NCAM1: variants seen among roughly 807,000 people sequenced by gnomAD.
NCAM1 encodes the protein neural cell adhesion molecule 1, also known as antigen recognized by monoclonal antibody 5.1H11.
Under a neutral mutation model 109.8 loss-of-function variants are expected in NCAM1, and 14 were observed. The ratio of observed to expected loss-of-function variants is 0.13; its 90% CI spans 0.08 to 0.20. The LOEUF (loss-of-function observed/expected upper bound fraction) is 0.20. NCAM1 is among the 10% of genes least tolerant of loss of function. NCAM1 has a pLI of 1.00. For synonymous variants in NCAM1, 418 were observed against 442.9 expected, an observed-to-expected ratio of 0.94 and a Z score of 0.70; for missense variants, 774 against 1,109.9, an observed-to-expected ratio of 0.70 and a Z score of 4.30.
chr11:113,145,424 T>C (rs1015100246), intron 1 of NCAM1, among the ~76,000 whole-genome samples: 2 of 152,214 alleles, frequency 1.3e-5, no homozygotes, highest in Middle Eastern at 3.2e-3. Flanking sequence ...TATTTGTTTC[T>C]GGAACAATTG....
chr11:113,203,593 G>A (rs1419714691), intron 2 of NCAM1, among the ~76,000 whole-genome samples: 1 of 152,198 alleles, frequency 6.6e-6, no homozygotes, highest in Non-Finnish European at 1.5e-5. Flanking sequence ...AGTGCCGGGG[G>A]CAGCTCAGCC....
At chr11:113,215,614 G>T (rs1944503089) in intron 8 of NCAM1, among the ~76,000 whole-genome samples, 1 of 152,172 alleles carries the variant, frequency 6.6e-6, no homozygotes, top group African/African-American at 2.4e-5. Context: ...AAACAAAACT[G>T]CATCAAATGG....
intron 1 of NCAM1, among the ~76,000 whole-genome samples, chr11:113,112,168 C>T (rs2135961154): frequency 6.6e-6 from 1 of 152,284 alleles, no homozygotes; most frequent in Middle Eastern, 3.4e-3. Flanking sequence ...AAGGCAGGAC[C>T]AACCTGTGTA....
At position 113,277,901 on chromosome 11, in the gene NCAM1, A is replaced by AG. The variant is rs1232017758; in HGVS notation, c.*2517dup. ...AGCAATGCTTTCTCTAAAATCAAAG[A>AG]GGGAGTCATTTTATTCCAAGATGTT... On this transcript the variant is annotated 3_prime_UTR_variant, in exon 20 of 20. Coordinates refer to ENST00000316851, the MANE Select transcript of NCAM1 (RefSeq NM_181351.5). 1 of 148,512 alleles carries AG rather than the reference A, an allele frequency of 6.7e-6. No individual in the cohort carries two copies. The highest frequency in any genetic ancestry group is 2.5e-5 in the African/African-American group (1 of 40,644). 9.2% of individuals were successfully genotyped at this position (148,512 alleles called of 1,614,324 possible). A position where few individuals can be genotyped will look rare whatever the true frequency, so the allele number is the denominator to read the frequency against.
At chr11:112,965,917 A>G (rs1368141956) in intron 1 of NCAM1, among the ~76,000 whole-genome samples, 1 of 152,126 alleles carries the variant, frequency 6.6e-6, no homozygotes, top group African/African-American at 2.4e-5. Context: ...CAGGCCAGGG[A>G]GAGAAGGGAT....
At chr11:113,072,598 T>G (rs1437807784) in intron 1 of NCAM1, among the ~76,000 whole-genome samples, 1 of 152,212 alleles carries the variant, frequency 6.6e-6, no homozygotes, top group Non-Finnish European at 1.5e-5. Context: ...GGGTTAACGT[T>G]TTGGGACCAA....
rs895222586 is a variant in NCAM1 at position 113,000,957 on chromosome 11, T to A, written c.52+39293T>A. Among the ~76,000 whole-genome samples, 3 of 151,808 alleles carry A rather than the reference T, an allele frequency of 2.0e-5. No individual in the cohort carries two copies. In the East Asian group the frequency reaches 5.8e-4, roughly 29 times the overall value. ...TCTCTACAGGATATAGGCACTTTGG[T>A]TATAATTATATGAAAGAAGGAATGT... On this transcript the variant is annotated intron_variant, in intron 1 of 19. Coordinates refer to ENST00000316851, the MANE Select transcript of NCAM1 (RefSeq NM_181351.5).
At chr11:113,181,538 G>A (rs1943331557) in intron 1 of NCAM1, among the ~76,000 whole-genome samples, 3 of 152,200 alleles carry the variant, frequency 2.0e-5, no homozygotes, top group South Asian at 4.1e-4. Context: ...CTGGGGGACG[G>A]AGAGCATCAG....
intron 14 of NCAM1, among the ~76,000 whole-genome samples, chr11:113,244,681 GT>G (rs1945447458): frequency 6.8e-6 from 1 of 147,764 alleles, no homozygotes; most frequent in Admixed American, 6.8e-5. Context: ...GTGTGTGTGT[GT>G]GTGTGGACCC....
intron 1 of NCAM1, among the ~76,000 whole-genome samples, chr11:113,196,424 C>T (rs886343386): frequency 6.6e-6 from 1 of 152,106 alleles, no homozygotes; most frequent in African/African-American, 2.4e-5. Context: ...CTAGATTATT[C>T]GGGAAAGTTG....
chr11:113,012,079 C>A (rs986070618), intron 1 of NCAM1, among the ~76,000 whole-genome samples: 9 of 151,002 alleles, frequency 6.0e-5, no homozygotes, highest in Non-Finnish European at 8.8e-5. Flanking sequence ...AGTGCAGTGG[C>A]GCGATCTTGG....
chr11:112,991,285 C>T (rs1951450528), intron 1 of NCAM1, among the ~76,000 whole-genome samples: 1 of 152,054 alleles, frequency 6.6e-6, no homozygotes, highest in Admixed American at 6.5e-5. Context: ...GTCTGCTACC[C>T]CAGGGCACAT....
At chr11:113,002,728 A>G (rs781971372) in intron 1 of NCAM1, among the ~76,000 whole-genome samples, 3 of 152,178 alleles carry the variant, frequency 2.0e-5, no homozygotes, top group Non-Finnish European at 2.9e-5. Context: ...CCCTCCAGCT[A>G]AGTCTCCTGT....
intron 9 of NCAM1, 108 bp downstream of exon 9, chr11:113,221,433 T>A: frequency 8.4e-7 from 1 of 1,191,726 alleles, no homozygotes; most frequent in Non-Finnish European, 1.2e-6. Flanking sequence ...GTAATTTAGC[T>A]AAAGAATAGG....
chr11:113,151,628 T>C (rs1399851687), intron 1 of NCAM1, among the ~76,000 whole-genome samples: 1 of 152,236 alleles, frequency 6.6e-6, no homozygotes, highest in Non-Finnish European at 1.5e-5. Flanking sequence ...GTTGAAATGA[T>C]AGGAAAAAAG....
chr11:113,256,791 A>G (rs565665218), intron 16 of NCAM1, among the ~76,000 whole-genome samples: 310 of 152,340 alleles, frequency 2.0e-3, no homozygotes, highest in South Asian at 3.1e-3. Context: ...ATCTTCAACT[A>G]TAACCAATGG....
chr11:113,018,919 A>T (rs901537568), intron 1 of NCAM1, among the ~76,000 whole-genome samples: 6 of 152,070 alleles, frequency 3.9e-5, no homozygotes, highest in African/African-American at 4.8e-5. Context: ...TTATGAGAAG[A>T]GGAAAGTGCT....
intron 1 of NCAM1, among the ~76,000 whole-genome samples, chr11:112,989,489 A>G (rs1366718933): frequency 6.6e-6 from 1 of 152,080 alleles, no homozygotes; most frequent in African/African-American, 2.4e-5. Context: ...TTTATTTATT[A>G]CATTTCTTAT....
At chr11:113,256,128 GC>G in intron 16 of NCAM1, 127 bp downstream of exon 16, 1 of 1,249,338 alleles carries the variant, frequency 8.0e-7, no homozygotes. Context: ...CTGGCAGGTG[GC>G]CCATGGGCCC....
Sources: allele counts gnomAD v4.1 joint callset (sites outside exome capture counted in the v4.1 genomes callset), GRCh38; gene constraint gnomAD v4.1.1; transcripts MANE v1.5; gene names NCBI Gene and HGNC (gene_info 2026-07-23, HGNC 2026-07-21).